Variants in CHD6 observed in about 807,000 individuals in gnomAD.
The protein encoded by CHD6 is chromodomain helicase DNA binding protein 6, also known as ATP-dependent chromatin remodeler CHD6.
A neutral mutation model predicts 276.9 loss-of-function variants in CHD6; 50 were observed. The ratio of observed to expected loss-of-function variants is 0.18; its 90% CI spans 0.14 to 0.23. The LOEUF (loss-of-function observed/expected upper bound fraction) is 0.23, where lower values mean the gene tolerates loss of function less well. CHD6 is among the 10% of genes least tolerant of loss of function. The probability of loss-of-function intolerance (pLI) is 1.00; values close to 1 mark genes in which losing one functional copy is unlikely to be tolerated. For missense variants in CHD6, 2,564 were observed against 3,365.8 expected, an observed-to-expected ratio of 0.76 and a Z score of 5.89; for synonymous variants, 1,173 against 1,229.3, an observed-to-expected ratio of 0.95 and a Z score of 0.96.
rs576278969 is a variant in CHD6 at position 41,437,791 on chromosome 20, T to C, written c.4008-457A>G. ...ATCCACAGACAAGGAGGGCTGACAA[T>C]AGATCCCTTCTTCTGAAGGCATTCC... On this transcript the variant is annotated intron_variant, in intron 26 of 36. Coordinates refer to ENST00000373233, the MANE Select transcript of CHD6 (RefSeq NM_032221.5). Among the ~76,000 whole-genome samples the C allele has an allele frequency of 3.9e-5, 6 of 152,300 alleles. No homozygotes were observed. In the East Asian group the frequency reaches 9.6e-4, roughly 24 times the overall value.
chr20:41,418,398 C>T (rs988041317), intron 31 of CHD6, among the ~76,000 whole-genome samples: 1 of 151,898 alleles, frequency 6.6e-6, no homozygotes, highest in African/African-American at 2.4e-5. Context: ...GAGGAGGCAA[C>T]AGGGAAGGGT....
chr20:41,534,230 TAAG>T (rs776708770), intron 2 of CHD6, among the ~76,000 whole-genome samples: 3 of 152,172 alleles, frequency 2.0e-5, no homozygotes, highest in Admixed American at 6.5e-5. Flanking sequence ...AGAAATAACT[TAAG>T]AAGAGCCTGG....
chr20:41,442,787 T>G (rs2047938971), intron 25 of CHD6, among the ~76,000 whole-genome samples: 1 of 152,140 alleles, frequency 6.6e-6, no homozygotes, highest in African/African-American at 2.4e-5. Flanking sequence ...GCTCATGGAA[T>G]AGGCAGCACC....
intron 30 of CHD6, 72 bp from the exon 31 acceptor site, chr20:41,422,151 C>A: frequency 1.3e-6 from 2 of 1,483,038 alleles, no homozygotes; most frequent in East Asian, 2.3e-5. Context: ...TGAGCCCCTG[C>A]ATCTTTGGTC....
At chr20:41,513,056 G>C (rs2044159616) in intron 4 of CHD6, 61 bp from the exon 5 acceptor site, 3 of 1,572,544 alleles carry the variant, frequency 1.9e-6, no homozygotes, top group Non-Finnish European at 1.7e-6. Context: ...GCCTACACAA[G>C]AATACCCTCA....
At position 41,512,912 on chromosome 20, in the gene CHD6, T is replaced by G. The variant is rs1276474059; in HGVS notation, c.786A>C (p.Thr262=). The G allele has an allele frequency of 1.2e-6, 2 of 1,613,984 alleles. No individual in the cohort carries two copies. Among genetic ancestry groups the G allele is most frequent in the East Asian group, 4.5e-5 (2 of 44,878 alleles). ...DFKVVDDDGE[T]IAVLGAGRTS... is the part of the protein sequence containing the mutation. ...TTCGACCAGCTCCAAGAACAGCAAT[T>G]GTTTCCCCATCATCATCCACCACTT... The change falls in exon 5 of 37, where the codon ACA becomes ACC. Residue 262 remains threonine (T), a synonymous_variant. Transcript: ENST00000373233.
At chr20:41,549,023 G>C (rs2045099575) in intron 2 of CHD6, among the ~76,000 whole-genome samples, 1 of 152,164 alleles carries the variant, frequency 6.6e-6, no homozygotes. Context: ...GGAGAAACAG[G>C]AACACTTTTA....
intron 8 of CHD6, chr20:41,496,735 GCA>G (rs1482489817): frequency 2.0e-5 from 3 of 152,194 alleles, no homozygotes; most frequent in Non-Finnish European, 4.4e-5. Flanking sequence ...ATATATCCCA[GCA>G]CAGTTTCCTC....
chr20:41,412,726 A>G (rs1435494879), intron 35 of CHD6, among the ~76,000 whole-genome samples: 2 of 152,178 alleles, frequency 1.3e-5, no homozygotes, highest in African/African-American at 4.8e-5. Flanking sequence ...GGTGGGGTAG[A>G]TGAGCAAGTG....
chr20:41,444,261 C>T (rs920060234), intron 25 of CHD6, among the ~76,000 whole-genome samples: 2 of 152,176 alleles, frequency 1.3e-5, no homozygotes, highest in Non-Finnish European at 2.9e-5. Flanking sequence ...TGAGTTCTAT[C>T]CCTGCACTGT....
intron 16 of CHD6, among the ~76,000 whole-genome samples, chr20:41,482,334 C>T (rs1436471404): frequency 6.6e-6 from 1 of 152,100 alleles, no homozygotes; most frequent in Non-Finnish European, 1.5e-5. Flanking sequence ...AGAAATCTCT[C>T]CTATAGAGCT....
At position 41,419,103 on chromosome 20, in the gene CHD6, GA is replaced by G. The variant is rs974254139; in HGVS notation, c.6127+1404del. ...ATGCTTCGTGGCCTGCCATGAGGAG[GA>G]TCAGGCATAGTTGTAGACTGGCTCC... On this transcript the variant is annotated intron_variant, in intron 31 of 36. Transcript: ENST00000373233. Among the ~76,000 whole-genome samples, 70 of 152,226 alleles carry G rather than the reference GA, an allele frequency of 4.6e-4. 1 individual carries two copies. Among genetic ancestry groups the G allele is most frequent in the African/African-American group, 1.6e-3 (66 of 41,536 alleles).
At chr20:41,594,052 G>A (rs906116817) in intron 1 of CHD6, among the ~76,000 whole-genome samples, 6 of 150,994 alleles carry the variant, frequency 4.0e-5, no homozygotes, top group South Asian at 2.1e-4. Flanking sequence ...CTACCCTTAT[G>A]GGATTTTTGA....
chr20:41,412,233 G>A lies in CHD6; in HGVS notation c.7162C>T (p.Pro2388Ser), dbSNP rs780107368. ...AATTTTCCAGGTTCTTTACAGCGTG[G>A]CCTCCTCTGCTTTGGTTTGTCTGAA... ...NFSDKPKQRR[P>S]RCKEPGKLDV... Residue 2388 changes from proline (P) to serine (S), a missense_variant, in exon 36 of 37, where the codon CCA (proline) becomes TCA (serine). Physicochemically the swap from Pro to Ser is moderately conservative, Grantham distance 74 (BLOSUM62 -1). Transcript: ENST00000373233. 6.2e-7 allele frequency: 1 copy of A among 1,614,150 alleles called. No individual in the cohort carries two copies. Among genetic ancestry groups the A allele is most frequent in the Non-Finnish European group, 8.5e-7 (1 of 1,179,976 alleles).
intron 10 of CHD6, among the ~76,000 whole-genome samples, chr20:41,492,725 C>T (rs1280832202): frequency 4.6e-5 from 7 of 152,220 alleles, no homozygotes; most frequent in Admixed American, 2.0e-4. Context: ...GAGTTCAAGA[C>T]GAGCTTAACA....
At chr20:41,457,140 T>A in intron 18 of CHD6, 124 bp downstream of exon 18, 5 of 1,111,570 alleles carry the variant, frequency 4.5e-6, no homozygotes, top group Non-Finnish European at 6.3e-6. Context: ...AATTACCCAA[T>A]AATGATGTGA....
At chr20:41,591,487 T>TC (rs1305737661) in intron 1 of CHD6, among the ~76,000 whole-genome samples, 1 of 149,820 alleles carries the variant, frequency 6.7e-6, no homozygotes, top group African/African-American at 2.5e-5. Flanking sequence ...GGTCGAGAGT[T>TC]CAAGACCAGC....
intron 27 of CHD6, among the ~76,000 whole-genome samples, chr20:41,429,146 G>A (rs570337172): frequency 6.6e-6 from 1 of 152,286 alleles, no homozygotes; most frequent in Admixed American, 6.5e-5. Flanking sequence ...GGACATGCAT[G>A]CTTTTGACAG....
intron 25 of CHD6, among the ~76,000 whole-genome samples, chr20:41,445,020 A>G (rs2048021370): frequency 6.6e-6 from 1 of 152,202 alleles, no homozygotes; most frequent in South Asian, 2.1e-4. Flanking sequence ...TGACACTTTC[A>G]TCATTCATTT....
Sources: allele counts gnomAD v4.1 joint callset (sites outside exome capture counted in the v4.1 genomes callset), GRCh38; gene constraint gnomAD v4.1.1; transcripts MANE v1.5; gene names NCBI Gene and HGNC (gene_info 2026-07-23, HGNC 2026-07-21).